HAUS5: variants seen among roughly 807,000 people sequenced by gnomAD.
The protein encoded by HAUS5 is HAUS augmin-like complex subunit 5.
Under a neutral mutation model 94.1 loss-of-function variants are expected in HAUS5, and 67 were observed. The ratio of observed to expected loss-of-function variants is 0.71; its 90% CI spans 0.58 to 0.87. The LOEUF (loss-of-function observed/expected upper bound fraction) is 0.87. Among genes scored for constraint, HAUS5 ranks in the 40% least tolerant of loss-of-function variants. The pLI is 0.00. For missense variants in HAUS5, 739 were observed against 825.6 expected (o/e 0.90, Z 1.29); for synonymous variants, 339 against 355.4 (o/e 0.95, Z 0.52).
chr19:35,614,002 A>C, intron 3 of HAUS5, 33 bp from the exon 4 acceptor site: 1 of 1,612,994 alleles, frequency 6.2e-7, no homozygotes, highest in Non-Finnish European at 8.5e-7. Context: ...TAGAAGCCCC[A>C]CTCATCCGCT....
In HAUS5 at chr19:35,615,300, T is replaced by C. The variant is rs1427347558; in HGVS notation, c.399T>C (p.Ala133=). ...GAGCTCTCCTCCTCCGGGCCCAAGC[T>C]GGGGCCATGCGAAGACAGCAGCATA... ...QRRALLLRAQ[A]GAMRRQQHTL... The change falls in exon 6 of 19, where the codon GCT becomes GCC. Residue 133 remains alanine, a synonymous_variant. Transcript: ENST00000203166. 9.9e-6 allele frequency: 16 copies of C among 1,613,744 alleles called. No homozygotes were observed. The highest frequency in any genetic ancestry group is 1.3e-5 in the Non-Finnish European group (15 of 1,179,956).
rs112656064 is a variant in HAUS5 at position 35,617,087 on chromosome 19, C to T, written c.486-37C>T. 8.9e-4 allele frequency: 1,402 copies of T among 1,576,828 alleles called. 7 individuals carry two copies. The Middle Eastern group carries it at 0.012, about 14-fold the overall frequency. On this transcript the variant is annotated intron_variant, in intron 6 of 18. Coordinates refer to ENST00000203166, the MANE Select transcript of HAUS5 (RefSeq NM_015302.2). ...AGATGGGGCACAGACATCTGTTCTC[C>T]CAGGGACCCCAGCCCCAGCTGCACT...
rs1184873987 is a variant in HAUS5 at position 35,624,005 on chromosome 19, C to A, written c.*1012C>A. 6.6e-6 allele frequency: 1 copy of A among 151,984 alleles called. No homozygotes were observed. Among genetic ancestry groups the A allele is most frequent in the Non-Finnish European group, 1.5e-5 (1 of 68,024 alleles). The allele number at this position is 151,984 out of a possible 1,614,324, so 9.4% of individuals were successfully genotyped here. On this transcript the variant is annotated 3_prime_UTR_variant, in exon 19 of 19. Coordinates refer to ENST00000203166, the MANE Select transcript of HAUS5 (RefSeq NM_015302.2). Reference sequence around the variant, plus strand: ...AATTGGGTTATATCTGGCTTCTCTCCAGACCTGCTTTGTATTTAACTCTCC... The same window carrying A: ...AATTGGGTTATATCTGGCTTCTCTCAAGACCTGCTTTGTATTTAACTCTCC...
chr19:35,624,700 C>T lies in HAUS5; in HGVS notation c.*1707C>T, dbSNP rs558536591. The stretch of plus-strand genomic sequence containing the variant: ...AACTCCTGGCCTCAAGTGATTCTAT[C>T]GCCTCTGCCTCCCAAATCTTCACCT... On this transcript the variant is annotated 3_prime_UTR_variant, in exon 19 of 19. Transcript: ENST00000203166. 7.9e-5 allele frequency: 12 copies of T among 152,214 alleles called. No individual in the cohort carries two copies. The highest frequency in any genetic ancestry group is 1.9e-4 in the African/African-American group (8 of 41,544). The allele number at this position is 152,214 out of a possible 1,614,324, so 9.4% of individuals were successfully genotyped here.
At chr19:35,621,061 G>A (rs1026258515) in intron 17 of HAUS5, among the ~76,000 whole-genome samples, 2 of 152,154 alleles carry the variant, frequency 1.3e-5, no homozygotes, top group Non-Finnish European at 2.9e-5. Flanking sequence ...TGAGGAGAAA[G>A]GTCCCCACCC....
chr19:35,622,797 GAGA>G (rs1967232013), intron 18 of HAUS5, 64 bp downstream of exon 18: 1 of 1,605,466 alleles, frequency 6.2e-7, no homozygotes, highest in South Asian at 1.1e-5. Context: ...GGGGCCTGAT[GAGA>G]AGGAGCAGGC....
chr19:35,622,699 C>A lies in HAUS5; in HGVS notation c.1750C>A (p.Arg584=). ...LEKLLKQALE[R]IPELQGIVGD... ...GAAGCTACTGAAACAGGCACTGGAG[C>A]GAATCCCTGAGCTGCAGGGGATCGT... Residue 584 remains arginine, a synonymous_variant, in exon 18 of 19, where the codon CGA becomes AGA. Transcript: ENST00000203166. 2 of 1,614,030 alleles carry A rather than the reference C, an allele frequency of 1.2e-6. No homozygotes were observed. The highest frequency in any genetic ancestry group is 1.7e-6 in the Non-Finnish European group (2 of 1,179,994).
At chr19:35,619,785 C>T (rs1967177398) in intron 15 of HAUS5, 27 bp downstream of exon 15, 2 of 1,516,166 alleles carry the variant, frequency 1.3e-6, no homozygotes, top group Admixed American at 2.1e-5. Context: ...CCCACCCCTG[C>T]CCTGCATCCC....
intron 1 of HAUS5, 129 bp from the exon 2 acceptor site, chr19:35,613,601 A>G (rs1350947902): frequency 1.5e-6 from 1 of 688,572 alleles, no homozygotes; most frequent in Non-Finnish European, 2.4e-6. Flanking sequence ...GGCAAAAAAA[A>G]GTTTGGGCCT....
In HAUS5 at chr19:35,617,929, C is replaced by T; in HGVS notation, c.696+17C>T. 6.2e-7 allele frequency: 1 copy of T among 1,613,300 alleles called. No individual in the cohort carries two copies. Among genetic ancestry groups the T allele is most frequent in the African/African-American group, 1.3e-5 (1 of 74,984 alleles). ...TCAGTGGAGGTGAGAGGGCAGGGCT[C>T]TCAGGAAAGCCACACCCTCCCGCTC... On this transcript the variant is annotated intron_variant, in intron 9 of 18. Transcript: ENST00000203166.
chr19:35,614,934 C>A, intron 4 of HAUS5, 108 bp from the exon 5 acceptor site: 1 of 723,986 alleles, frequency 1.4e-6, no homozygotes, highest in Non-Finnish European at 2.3e-6. Context: ...GACACAGAAA[C>A]TGCTGAGCAA....
In HAUS5 at chr19:35,613,742, C is replaced by T; in HGVS notation, c.111C>T (p.Gly37=). 1.2e-6 allele frequency: 2 copies of T among 1,614,028 alleles called. No individual in the cohort carries two copies. Among genetic ancestry groups the T allele is most frequent in the East Asian group, 2.2e-5 (1 of 44,884 alleles). Residue 37 remains glycine (G), a synonymous_variant, in exon 2 of 19, where the codon GGC becomes GGT. Transcript: ENST00000203166. ...ACTGTCCCCACAGGCTGTGTCTGGG[C>T]CAGGGGGCTGACATCTGGGCCTACA... ...PESTLRRLCL[G]QGADIWAYIL...
rs2071919559 is a variant in HAUS5, at chr19:35,614,075, T to C, written c.219+16T>C. ...CAGTCCACAGGTGAGAAGCATATGC[T>C]ACAAGATTCTCTTTCATCCGAAAAA... is the stretch of plus-strand genomic sequence containing the variant. On this transcript the variant is annotated intron_variant, in intron 4 of 18. Coordinates refer to ENST00000203166, the MANE Select transcript of HAUS5 (RefSeq NM_015302.2). 2 of 1,608,794 alleles carry C rather than the reference T, an allele frequency of 1.2e-6. No homozygotes were observed. Among genetic ancestry groups the C allele is most frequent in the Non-Finnish European group, 1.7e-6 (2 of 1,175,252 alleles).
At chr19:35,616,302 GAGCAAA>G (rs2071942632) in intron 6 of HAUS5, among the ~76,000 whole-genome samples, 1 of 151,396 alleles carries the variant, frequency 6.6e-6, no homozygotes, top group Admixed American at 6.6e-5. Context: ...TGGGTGACAA[GAGCAAA>G]ACTCTGTTTA....
At chr19:35,617,798 C>G in intron 8 of HAUS5, 57 bp from the exon 9 acceptor site, 2 of 1,454,710 alleles carry the variant, frequency 1.4e-6, no homozygotes, top group South Asian at 2.3e-5. Flanking sequence ...GTGGTGATAA[C>G]TAGAGGATAA....
chr19:35,622,565 G>GGACTCAAAGCT, intron 17 of HAUS5, 36 bp from the exon 18 acceptor site: 1 of 1,607,392 alleles, frequency 6.2e-7, no homozygotes, highest in Non-Finnish European at 8.5e-7. Flanking sequence ...GCGAGCCAGA[G>GGACTCAAAGCT]GACTCAAAGC....
Position 35,618,572 on chromosome 19 carries a change from G to A in HAUS5, c.889G>A (p.Gly297Ser). ...TGATTCTGTACCCCGCTTGCAGGAG[G>A]GCTGGCGGACTGTGGGTGTGCTGGT... ...LPSMVHLIQEGWRTVGVLVSQ... is the reference protein window; with the variant it reads ...LPSMVHLIQESWRTVGVLVSQ... Residue 297 changes from glycine to serine, a missense_variant, in exon 12 of 19, where the codon GGC (glycine) becomes AGC (serine). Gly to Ser is a moderately conservative substitution (Grantham distance 56). Transcript: ENST00000203166. 1.2e-6 allele frequency: 2 copies of A among 1,604,640 alleles called. No individual in the cohort carries two copies. Among genetic ancestry groups the A allele is most frequent in the South Asian group, 2.2e-5 (2 of 90,386 alleles).
Position 35,623,242 on chromosome 19 carries a change from C to G in HAUS5, c.*249C>G, listed in dbSNP as rs996321041. 4.0e-6 allele frequency: 2 copies of G among 502,798 alleles called. No individual in the cohort carries two copies. Among genetic ancestry groups the G allele is most frequent in the East Asian group, 3.5e-5 (1 of 28,492 alleles). The allele number at this position is 502,798 out of a possible 1,614,324, so 31.1% of individuals were successfully genotyped here. A position where few individuals can be genotyped will look rare whatever the true frequency, so the allele number is the denominator to read the frequency against. On this transcript the variant is annotated 3_prime_UTR_variant, in exon 19 of 19. Transcript: ENST00000203166. ...AGCAAAAAGTAATTGAGCACCTCCT[C>G]TAGGCGCTGGGGAGTCCACACTGAA... is the stretch of plus-strand genomic sequence containing the variant.
intron 4 of HAUS5, among the ~76,000 whole-genome samples, chr19:35,614,685 G>C (rs897664264): frequency 2.6e-5 from 4 of 152,184 alleles, no homozygotes; most frequent in African/African-American, 9.7e-5. Flanking sequence ...GATGGGACAG[G>C]TATGGGAGAG....
Sources: gnomAD v4.1 joint callset for allele counts (sites outside exome capture counted in the v4.1 genomes callset) on GRCh38, gnomAD v4.1.1 for gene constraint, MANE v1.5 for transcripts, NCBI Gene and HGNC (gene_info 2026-07-23, HGNC 2026-07-21) for gene names.